The following IFT74 variants were observed in gnomAD, a reference collection of about 807,000 sequenced individuals.
IFT74 encodes intraflagellar transport 74.
IFT74 carries 92 observed loss-of-function variants against 96.7 expected under a neutral mutation model. The observed-to-expected ratio is 0.95, with a 90% CI of 0.80 to 1.13. The LOEUF (loss-of-function observed/expected upper bound fraction) is 1.13. Ranked by LOEUF, IFT74 falls within the 50% of genes most tolerant of loss-of-function variation. The pLI is 0.00. For synonymous variants in IFT74, 223 were observed against 213.2 expected (o/e 1.05, Z -0.40); for missense variants, 811 against 698.2 (o/e 1.16, Z -1.82).
In IFT74 at chr9:26,984,254, T is replaced by C. The variant is rs1019047781; in HGVS notation, c.306-3T>C. On this transcript the variant is annotated splice_region_variant and splice_polypyrimidine_tract_variant and intron_variant, in intron 4 of 19. Transcript: ENST00000380062. ...GCTGACATTCTTATTTCTTTTCTAATAGAAGTAAAATAAGTGAACTTACAA... is the reference window on the plus strand; with the variant it reads ...GCTGACATTCTTATTTCTTTTCTAACAGAAGTAAAATAAGTGAACTTACAA... 1.3e-6 allele frequency: 2 copies of C among 1,554,918 alleles called. No homozygotes were observed. Among genetic ancestry groups the C allele is most frequent in the Non-Finnish European group, 1.7e-6 (2 of 1,150,182 alleles).
At chr9:26,948,009 T>C (rs1825801487) in intron 1 of IFT74, among the ~76,000 whole-genome samples, 1 of 152,180 alleles carries the variant, frequency 6.6e-6, no homozygotes. Flanking sequence ...TCCCATCCGC[T>C]ATTCTCTCGC....
intron 19 of IFT74, 132 bp from the exon 20 acceptor site, chr9:27,062,481 ATGTAC>A: frequency 1.8e-6 from 1 of 550,442 alleles, no homozygotes; most frequent in South Asian, 2.9e-5. Context: ...TGTTAAAATG[ATGTAC>A]TGTATTTTAA....
rs1563974337 is a variant in IFT74 at position 27,012,708 on chromosome 9, G to GTTTTTGTTTTTTTTT, written c.789+745_789+746insGTTTTTTTTTTTTTT. On this transcript the variant is annotated intron_variant, in intron 10 of 19. Transcript: ENST00000380062. ...GAACAAGAGGAAAGTAAAAATGTCT[G>GTTTTTGTTTTTTTTT]TTTTTTTTTTTTTTTTTTTTTTTTT... Among the ~76,000 whole-genome samples, 4 of 53,866 alleles carry GTTTTTGTTTTTTTTT rather than the reference G, an allele frequency of 7.4e-5. 1 individual carries two copies. Among genetic ancestry groups the GTTTTTGTTTTTTTTT allele is most frequent in the African/African-American group, 2.5e-4 (3 of 12,182 alleles). 35.3% of individuals were successfully genotyped at this position (53,866 alleles called of 152,430 possible). A position where few individuals can be genotyped will look rare whatever the true frequency, so the allele number is the denominator to read the frequency against.
Position 26,980,567 on chromosome 9 carries a change from T to G in IFT74, c.257-4T>G. ...ACACTAACACTTAAAACATTTTTTT[T>G]TAGGTCCCCAGAGGCAAATTTTAGA... On this transcript the variant is annotated splice_region_variant and splice_polypyrimidine_tract_variant and intron_variant, in intron 3 of 19. Transcript: ENST00000380062. The G allele has an allele frequency of 6.3e-7, 1 of 1,595,336 alleles. No homozygotes were observed. The highest frequency in any genetic ancestry group is 8.6e-7 in the Non-Finnish European group (1 of 1,163,148).
At chr9:26,962,507 A>T (rs1215712580) in intron 2 of IFT74, among the ~76,000 whole-genome samples, 1 of 152,228 alleles carries the variant, frequency 6.6e-6, no homozygotes, top group East Asian at 1.9e-4. Flanking sequence ...AAATAGAATC[A>T]AGCATATAAG....
At chr9:26,972,102 A>G (rs576048493) in intron 2 of IFT74, among the ~76,000 whole-genome samples, 83 of 152,356 alleles carry the variant, frequency 5.4e-4, no homozygotes, top group Admixed American at 1.8e-3. Context: ...ATGGTAATCA[A>G]TTAGATCTAA....
intron 4 of IFT74, chr9:26,982,151 TAAG>T (rs1034630544): frequency 2.7e-5 from 5 of 186,518 alleles, no homozygotes; most frequent in African/African-American, 1.2e-4. Context: ...CTACATCTAA[TAAG>T]AAAGGGAAAA....
At chr9:26,948,396 T>TA (rs1217224452) in intron 1 of IFT74, among the ~76,000 whole-genome samples, 3 of 149,364 alleles carry the variant, frequency 2.0e-5, no homozygotes, top group Non-Finnish European at 3.0e-5. Flanking sequence ...CTTTCTGAAA[T>TA]ATACACTTAA....
chr9:26,982,580 C>A (rs972964179), intron 4 of IFT74, among the ~76,000 whole-genome samples: 1 of 151,738 alleles, frequency 6.6e-6, no homozygotes, highest in African/African-American at 2.4e-5. Flanking sequence ...CTCAGCCTCC[C>A]GAGTAGCTGG....
chr9:26,956,889 T>A (rs1343094668), intron 1 of IFT74, among the ~76,000 whole-genome samples: 2 of 152,372 alleles, frequency 1.3e-5, no homozygotes, highest in South Asian at 2.1e-4. Flanking sequence ...TATTCACCTG[T>A]GTGAGAATGG....
At chr9:26,963,864 C>G (rs1291386379) in intron 2 of IFT74, among the ~76,000 whole-genome samples, 2 of 152,072 alleles carry the variant, frequency 1.3e-5, no homozygotes, top group Non-Finnish European at 2.9e-5. Context: ...TGGATATTAG[C>G]CCTTTGTCAG....
At position 27,011,938 on chromosome 9, in the gene IFT74, A is replaced by G; in HGVS notation, c.759A>G (p.Ser253=). ...ATACACTTCAACAACAATTGGATTC[A>G]CAGAACATGAAAAAAGAGAGCCTGG... ...ELDTLQQQLD[S]QNMKKESLEA... Residue 253 remains serine (S), a synonymous_variant, in exon 10 of 20, where the codon TCA becomes TCG. Transcript: ENST00000380062. 1.3e-6 allele frequency: 2 copies of G among 1,588,410 alleles called. No homozygotes were observed. The highest frequency in any genetic ancestry group is 8.6e-7 in the Non-Finnish European group (1 of 1,168,348).
chr9:26,969,459 T>TA (rs1826785044), intron 2 of IFT74, among the ~76,000 whole-genome samples: 1 of 151,604 alleles, frequency 6.6e-6, no homozygotes, highest in Admixed American at 6.6e-5. Context: ...TTTTAGGGCT[T>TA]GATACGTTTC....
chr9:26,987,785 A>G (rs1382653748), intron 6 of IFT74, among the ~76,000 whole-genome samples: 5 of 152,216 alleles, frequency 3.3e-5, no homozygotes, highest in Non-Finnish European at 7.3e-5. Flanking sequence ...ATAGTGTTTG[A>G]CACTAGGTAA....
chr9:26,998,038 G>A, intron 8 of IFT74: 1 of 1,613,690 alleles, frequency 6.2e-7, no homozygotes, highest in Non-Finnish European at 8.5e-7. Flanking sequence ...GACTGGAGAG[G>A]TTACCAAAAC....
chr9:27,020,811 G>A (rs1829565230), intron 12 of IFT74, among the ~76,000 whole-genome samples: 1 of 151,986 alleles, frequency 6.6e-6, no homozygotes, highest in Admixed American at 6.6e-5. Flanking sequence ...GGAACAGGTG[G>A]TATTTGGTTA....
chr9:27,039,017 T>C (rs927634885), intron 13 of IFT74, among the ~76,000 whole-genome samples: 1 of 152,172 alleles, frequency 6.6e-6, no homozygotes, highest in African/African-American at 2.4e-5. Context: ...AAATGATCTT[T>C]CCGATGTCCT....
intron 2 of IFT74, among the ~76,000 whole-genome samples, chr9:26,966,355 A>T (rs1425066821): frequency 6.6e-6 from 1 of 151,944 alleles, no homozygotes; most frequent in Non-Finnish European, 1.5e-5. Flanking sequence ...TTTCTTTTGG[A>T]TAAAAGTCGT....
intron 13 of IFT74, among the ~76,000 whole-genome samples, chr9:27,029,648 C>G (rs952439132): frequency 6.6e-6 from 1 of 152,164 alleles, no homozygotes; most frequent in Non-Finnish European, 1.5e-5. Flanking sequence ...TTCGGAAAGG[C>G]TGAGGCAGGA....
Sources: allele counts gnomAD v4.1 joint callset (sites outside exome capture counted in the v4.1 genomes callset), GRCh38; gene constraint gnomAD v4.1.1; transcripts MANE v1.5; gene names NCBI Gene and HGNC (gene_info 2026-07-23, HGNC 2026-07-21).